Variants in ADARB2 observed in about 807,000 individuals in gnomAD.
ADARB2 encodes adenosine deaminase RNA specific B2 (inactive).
ADARB2 carries 25 observed loss-of-function variants against 62.2 expected under a neutral mutation model. That is an observed-to-expected ratio of 0.40 (90% confidence interval 0.29 to 0.56). ADARB2 has a LOEUF of 0.56. Ranked by LOEUF, ADARB2 falls within the 20% of genes least tolerant of loss-of-function variation. ADARB2 has a pLI of 0.43. For missense variants in ADARB2, 1,071 were observed against 1,077.4 expected (o/e 0.99, Z 0.08); for synonymous variants, 572 against 500.8 (o/e 1.14, Z -1.90).
At chr10:1,580,120 A>T (rs748323008) in intron 1 of ADARB2, among the ~76,000 whole-genome samples, 2 of 152,120 alleles carry the variant, frequency 1.3e-5, no homozygotes, top group Non-Finnish European at 2.9e-5. Flanking sequence ...TTTTTAAAAA[A>T]CCTTTATCAT....
intron 1 of ADARB2, among the ~76,000 whole-genome samples, chr10:1,503,219 G>T (rs78302541): frequency 0.09 from 13,624 of 151,754 alleles, 1,071 homozygotes; most frequent in East Asian, 0.32. Context: ...GGATTTTTTT[G>T]TTGTTGTTGT....
intron 2 of ADARB2, among the ~76,000 whole-genome samples, chr10:1,366,304 C>A (rs181279892): frequency 1.3e-5 from 2 of 152,374 alleles, no homozygotes; most frequent in African/African-American, 2.4e-5. Flanking sequence ...GACTGACCAT[C>A]CTGGACCACT....
chr10:1,408,202 T>C (rs1832723367), intron 1 of ADARB2, among the ~76,000 whole-genome samples: 1 of 152,224 alleles, frequency 6.6e-6, no homozygotes, highest in South Asian at 2.1e-4. Context: ...TAATATTACA[T>C]TGTGAACATT....
At chr10:1,349,019 C>T (rs1012266125) in intron 3 of ADARB2, among the ~76,000 whole-genome samples, 1 of 152,162 alleles carries the variant, frequency 6.6e-6, no homozygotes, top group Non-Finnish European at 1.5e-5. Context: ...GGGGAGGTGT[C>T]AGGCCTCTGA....
intron 1 of ADARB2, among the ~76,000 whole-genome samples, chr10:1,504,936 G>A (rs962389738): frequency 2.0e-5 from 3 of 151,734 alleles, no homozygotes; most frequent in South Asian, 2.1e-4. Context: ...GCACACACAC[G>A]TACATATACA....
chr10:1,489,853 G>A (rs1350898578), intron 1 of ADARB2, among the ~76,000 whole-genome samples: 1 of 152,134 alleles, frequency 6.6e-6, no homozygotes, highest in Non-Finnish European at 1.5e-5. Flanking sequence ...TCTCTCTTGG[G>A]TGAAATATCT....
intron 1 of ADARB2, among the ~76,000 whole-genome samples, chr10:1,551,820 T>C (rs1048053967): frequency 1.6e-4 from 24 of 152,272 alleles, no homozygotes; most frequent in Non-Finnish European, 2.6e-4. Flanking sequence ...CGGGACACAA[T>C]GTACCAAATA....
chr10:1,320,388 CA>C (rs1366990914), intron 3 of ADARB2, among the ~76,000 whole-genome samples: 93 of 152,282 alleles, frequency 6.1e-4, no homozygotes, highest in African/African-American at 2.1e-3. Context: ...TAGCATCTTT[CA>C]AATCACACCA....
At chr10:1,710,886 T>A (rs1187224905) in intron 1 of ADARB2, among the ~76,000 whole-genome samples, 2 of 152,076 alleles carry the variant, frequency 1.3e-5, no homozygotes, top group Non-Finnish European at 2.9e-5. Context: ...CTTTGATACC[T>A]CCACAGATGC....
At chr10:1,262,130 T>C (rs1307701284) in intron 4 of ADARB2, among the ~76,000 whole-genome samples, 32 of 95,166 alleles carry the variant, frequency 3.4e-4, no homozygotes, top group Admixed American at 9.2e-4. Context: ...TATCACACTC[T>C]GGGGACTGTG....
intron 1 of ADARB2, among the ~76,000 whole-genome samples, chr10:1,693,077 G>A (rs1396104370): frequency 6.6e-6 from 1 of 152,148 alleles, no homozygotes; most frequent in Non-Finnish European, 1.5e-5. Flanking sequence ...CTTATACGTG[G>A]TGGAACTCAT....
At chr10:1,633,640 T>A (rs1833877942) in intron 1 of ADARB2, among the ~76,000 whole-genome samples, 1 of 139,138 alleles carries the variant, frequency 7.2e-6, no homozygotes, top group African/African-American at 2.5e-5. Flanking sequence ...TATCCATCCA[T>A]CTATCATACT....
At chr10:1,382,248 C>T (rs1588239478) in intron 1 of ADARB2, among the ~76,000 whole-genome samples, 1 of 152,192 alleles carries the variant, frequency 6.6e-6, no homozygotes, top group Non-Finnish European at 1.5e-5. Context: ...TCTCTTTCCA[C>T]GAGTGCAGTG....
intron 1 of ADARB2, among the ~76,000 whole-genome samples, chr10:1,438,730 C>G (rs530985179): frequency 2.1e-3 from 314 of 149,230 alleles, no homozygotes; most frequent in Non-Finnish European, 3.6e-3. Context: ...GTCTCCTCAG[C>G]AGATGGAGGC....
chr10:1,709,873 C>T (rs1430756992), intron 1 of ADARB2, among the ~76,000 whole-genome samples: 2 of 152,224 alleles, frequency 1.3e-5, no homozygotes, highest in Non-Finnish European at 2.9e-5. Context: ...CCTCACTGAA[C>T]TTTAAGCAGA....
chr10:1,585,677 C>A (rs963050592), intron 1 of ADARB2, among the ~76,000 whole-genome samples: 5 of 152,180 alleles, frequency 3.3e-5, no homozygotes, highest in African/African-American at 9.7e-5. Context: ...CTTTCTAGAC[C>A]AACTGATGTA....
intron 1 of ADARB2, among the ~76,000 whole-genome samples, chr10:1,695,152 G>C (rs918683052): frequency 1.8e-4 from 28 of 152,112 alleles, no homozygotes; most frequent in African/African-American, 6.3e-4. Context: ...AGCCTCAGAT[G>C]GTCAGGTCAC....
intron 1 of ADARB2, among the ~76,000 whole-genome samples, chr10:1,619,201 G>T (rs1833679172): frequency 6.7e-6 from 1 of 149,862 alleles, no homozygotes; most frequent in African/African-American, 2.5e-5. Flanking sequence ...AAAGAGCAGA[G>T]ATCATCAGAT....
chr10:1,568,788 A>G (rs1832892806), intron 1 of ADARB2, among the ~76,000 whole-genome samples: 1 of 138,486 alleles, frequency 7.2e-6, no homozygotes, highest in Non-Finnish European at 1.6e-5. Flanking sequence ...GCATATATCT[A>G]TATGTCTCTA....
Sources: gnomAD v4.1 joint callset for allele counts (sites outside exome capture counted in the v4.1 genomes callset) on GRCh38, gnomAD v4.1.1 for gene constraint, MANE v1.5 for transcripts, NCBI Gene and HGNC (gene_info 2026-07-23, HGNC 2026-07-21) for gene names.